Variants in MET observed in about 807,000 individuals in gnomAD.
The protein encoded by MET is MET proto-oncogene, receptor tyrosine kinase, also known as hepatocyte growth factor receptor.
Under a neutral mutation model 133.1 loss-of-function variants are expected in MET, and 48 were observed. The ratio of observed to expected loss-of-function variants is 0.36; its 90% confidence interval spans 0.29 to 0.46. The LOEUF is 0.46. Ranked by LOEUF, MET falls within the 20% of genes least tolerant of loss-of-function variation. The pLI, the probability that MET is intolerant of heterozygous loss-of-function variation, is 1.00. For missense variants in MET, 1,442 were observed against 1,695.9 expected, an observed-to-expected ratio of 0.85 and a Z score of 2.63; for synonymous variants, 628 against 616.5, an observed-to-expected ratio of 1.02 and a Z score of -0.28.
chr7:116,778,661 C>G, intron 16 of MET, 115 bp from the exon 17 acceptor site: 2 of 1,117,030 alleles, frequency 1.8e-6, no homozygotes, highest in Non-Finnish European at 2.7e-6. Flanking sequence ...GTCAAACCCT[C>G]AGGACAAGAT....
At chr7:116,746,618 A>G (rs1276815349) in intron 5 of MET, among the ~76,000 whole-genome samples, 1 of 152,236 alleles carries the variant, frequency 6.6e-6, no homozygotes, top group Non-Finnish European at 1.5e-5. Context: ...GGATGAGTTC[A>G]TGTCCTTTGT....
At chr7:116,762,608 A>G (rs1794440932) in intron 10 of MET, among the ~76,000 whole-genome samples, 1 of 152,180 alleles carries the variant, frequency 6.6e-6, no homozygotes, top group Non-Finnish European at 1.5e-5. Context: ...TTCCTAAATG[A>G]GGAAACTGAG....
chr7:116,764,987 T>C (rs914124687), intron 11 of MET, among the ~76,000 whole-genome samples: 2 of 152,116 alleles, frequency 1.3e-5, no homozygotes, highest in African/African-American at 4.8e-5. Flanking sequence ...ATCAATACGT[T>C]AAGTTGATCA....
intron 5 of MET, among the ~76,000 whole-genome samples, chr7:116,748,233 G>A (rs1037745449): frequency 2.0e-5 from 3 of 152,172 alleles, no homozygotes; most frequent in Non-Finnish European, 4.4e-5. Flanking sequence ...AACAGAGCAA[G>A]ACTCCATGTC....
At chr7:116,679,996 TC>T (rs1000754117) in intron 1 of MET, among the ~76,000 whole-genome samples, 4 of 152,148 alleles carry the variant, frequency 2.6e-5, no homozygotes, top group African/African-American at 9.7e-5. Flanking sequence ...CACATTTTTA[TC>T]CTCAGAAAAC....
intron 11 of MET, among the ~76,000 whole-genome samples, chr7:116,768,366 C>G (rs956208850): frequency 1.3e-5 from 2 of 152,092 alleles, no homozygotes; most frequent in Non-Finnish European, 2.9e-5. Context: ...GGTTTTATCC[C>G]CCTTCAGACC....
intron 5 of MET, among the ~76,000 whole-genome samples, chr7:116,753,039 A>C (rs997506424): frequency 6.6e-6 from 1 of 152,206 alleles, no homozygotes; most frequent in Non-Finnish European, 1.5e-5. Flanking sequence ...GGATGAGGTA[A>C]ATTTTCAGGA....
intron 15 of MET, among the ~76,000 whole-genome samples, chr7:116,776,982 T>TTA (rs1795012168): frequency 6.6e-6 from 1 of 152,244 alleles, no homozygotes; most frequent in African/African-American, 2.4e-5. Context: ...ACTTATTTTA[T>TTA]TATAGTTCTT....
At chr7:116,771,788 A>G (rs2116994861) in intron 13 of MET, 61 bp from the exon 14 acceptor site, 1 of 1,612,368 alleles carries the variant, frequency 6.2e-7, no homozygotes. Flanking sequence ...CACTGGGTCA[A>G]AGTCTCCTGG....
At chr7:116,687,038 G>A (rs190384648) in intron 1 of MET, among the ~76,000 whole-genome samples, 2 of 152,342 alleles carry the variant, frequency 1.3e-5, no homozygotes, top group Non-Finnish European at 2.9e-5. Context: ...CAGCCTGGGC[G>A]TGTTGCAGGT....
In MET at chr7:116,797,601, C is replaced by T. The variant is rs750893461; in HGVS notation, c.*1477C>T. On this transcript the variant is annotated 3_prime_UTR_variant, in exon 21 of 21. Transcript: ENST00000397752. ...AGGTTACTCTAACTGGTTTTGTCGA[C>T]GTAAACATTTAAAGTGTTATATTTT... 5 of 223,290 alleles carry T rather than the reference C, an allele frequency of 2.2e-5. No individual in the cohort carries two copies. Among genetic ancestry groups the T allele is most frequent in the East Asian group, 6.5e-5 (1 of 15,312 alleles). The allele number at this position is 223,290 out of a possible 1,614,324, so 13.8% of individuals were successfully genotyped here. A position where few individuals can be genotyped will look rare whatever the true frequency, so the allele number is the denominator to read the frequency against.
intron 2 of MET, among the ~76,000 whole-genome samples, chr7:116,728,315 T>G (rs1298053401): frequency 6.6e-6 from 1 of 152,170 alleles, no homozygotes; most frequent in Non-Finnish European, 1.5e-5. Context: ...GGGGGGGCAA[T>G]AGAGACATAA....
chr7:116,773,045 A>G (rs972202984), intron 14 of MET, among the ~76,000 whole-genome samples: 12 of 152,050 alleles, frequency 7.9e-5, no homozygotes, highest in African/African-American at 2.4e-4. Context: ...CTAATCTGAG[A>G]TCATTAAAAT....
At chr7:116,706,102 C>G (rs1791780988) in intron 2 of MET, among the ~76,000 whole-genome samples, 1 of 152,064 alleles carries the variant, frequency 6.6e-6, no homozygotes, top group South Asian at 2.1e-4. Context: ...AGCAAGAGAA[C>G]ACAGTGCTGA....
At chr7:116,772,030 T>A (rs928810617) in intron 14 of MET, 41 bp downstream of exon 14, 1 of 1,603,494 alleles carries the variant, frequency 6.2e-7, no homozygotes, top group Non-Finnish European at 8.5e-7. Flanking sequence ...CCTATACATA[T>A]ACCTCAGTGG....
intron 1 of MET, among the ~76,000 whole-genome samples, chr7:116,678,582 G>C (rs890516324): frequency 1.3e-5 from 2 of 152,164 alleles, no homozygotes; most frequent in Admixed American, 6.5e-5. Context: ...CAGAGAAAAA[G>C]AGAAGTGGTA....
rs560568639 is a variant in MET, at chr7:116,797,357, G to A, written c.*1233G>A. ...AGATTAGCCTCTGTCTCGGTGGCAG[G>A]TTCCCACCTCGCAAGCAATTGGAAA... On this transcript the variant is annotated 3_prime_UTR_variant, in exon 21 of 21. Coordinates refer to ENST00000397752, the MANE Select transcript of MET (RefSeq NM_000245.4). 15 of 227,406 alleles carry A rather than the reference G, an allele frequency of 6.6e-5. No individual in the cohort carries two copies. In the East Asian group the frequency reaches 9.4e-4, roughly 14 times the overall value. 14.1% of individuals were successfully genotyped at this position (227,406 alleles called of 1,614,324 possible). A position where few individuals can be genotyped will look rare whatever the true frequency, so the allele number is the denominator to read the frequency against.
At chr7:116,780,752 C>T (rs1189819895) in intron 17 of MET, among the ~76,000 whole-genome samples, 1 of 152,246 alleles carries the variant, frequency 6.6e-6, no homozygotes, top group East Asian at 1.9e-4. Context: ...AGGGTCCCCA[C>T]TGACTACATC....
intron 2 of MET, among the ~76,000 whole-genome samples, chr7:116,712,794 T>C (rs781469951): frequency 4.0e-5 from 6 of 151,798 alleles, no homozygotes; most frequent in Non-Finnish European, 7.4e-5. Context: ...AAGATTAAGA[T>C]AGGGAGGGTG....
Sources: allele counts gnomAD v4.1 joint callset (sites outside exome capture counted in the v4.1 genomes callset), GRCh38; gene constraint gnomAD v4.1.1; transcripts MANE v1.5; gene names NCBI Gene and HGNC (gene_info 2026-07-23, HGNC 2026-07-21).